Variants in PPP3CC observed in about 807,000 individuals in gnomAD.
PPP3CC encodes serine/threonine-protein phosphatase 2B catalytic subunit gamma isoform.
A neutral mutation model predicts 60.3 loss-of-function variants in PPP3CC; 35 were observed. The observed-to-expected ratio is 0.58, with a 90% confidence interval of 0.44 to 0.77. PPP3CC has a LOEUF of 0.77. Ranked by LOEUF, PPP3CC falls within the 30% of genes least tolerant of loss-of-function variation. The probability of loss-of-function intolerance (pLI) is 0.00; values close to 1 mark genes in which losing one functional copy is unlikely to be tolerated. For synonymous variants in PPP3CC, 206 were observed against 224.3 expected, an observed-to-expected ratio of 0.92 and a Z score of 0.73; for missense variants, 570 against 628.9, an observed-to-expected ratio of 0.91 and a Z score of 1.00.
Position 22,498,160 on chromosome 8 carries a change from G to A in PPP3CC, c.484+48G>A, listed in dbSNP as rs747556908. The A allele has an allele frequency of 3.3e-6, 4 of 1,194,292 alleles. No individual in the cohort carries two copies. In the African/African-American group the frequency reaches 6.2e-5, roughly 18 times the overall value. The allele number at this position is 1,194,292 out of a possible 1,614,324, so 74.0% of individuals were successfully genotyped here. A position where few individuals can be genotyped will look rare whatever the true frequency, so the allele number is the denominator to read the frequency against. On this transcript the variant is annotated intron_variant, in intron 4 of 13. Transcript: ENST00000240139. ...AACCTTTTTAGTTACCCTTTAACCT[G>A]TCCGAAGTAAATCAAACAGAAAGAA...
Position 22,510,924 on chromosome 8 carries a change from A to G in PPP3CC, c.485-162A>G, listed in dbSNP as rs141326277. On this transcript the variant is annotated intron_variant, in intron 4 of 13. Transcript: ENST00000240139. ...AAGAGGAGAGAGGTATTGTTAACCT[A>G]TTATCCACAACTTTTCAAAAGTATC... The G allele has an allele frequency of 3.2e-4, 229 of 707,174 alleles. 2 individuals carry two copies. In the African/African-American group the frequency reaches 3.3e-3, roughly 10 times the overall value. 43.8% of individuals were successfully genotyped at this position (707,174 alleles called of 1,614,324 possible).
rs781122080 is a variant in PPP3CC, at chr8:22,513,291, A to C, written c.631-2A>C. The C allele has an allele frequency of 4.4e-6, 7 of 1,609,188 alleles. No individual in the cohort carries two copies. Among genetic ancestry groups the C allele is most frequent in the Non-Finnish European group, 5.9e-6 (7 of 1,178,574 alleles). ...TTCTTTTGGCTTTTGTGTGTCTTCT[A>C]GTTAGACAGGTTTACGGAACCTCCC... On this transcript the variant is annotated splice_acceptor_variant, in intron 5 of 13. Coordinates refer to ENST00000240139, the MANE Select transcript of PPP3CC (RefSeq NM_005605.5). LOFTEE classifies it high-confidence loss of function.
chr8:22,490,285 T>C (rs1303543823), intron 3 of PPP3CC, among the ~76,000 whole-genome samples: 2 of 152,184 alleles, frequency 1.3e-5, no homozygotes, highest in African/African-American at 4.8e-5. Flanking sequence ...ACCCTGACCC[T>C]GTTTCTGACT....
rs1839154004 is a variant in PPP3CC at position 22,513,537 on chromosome 8, C to T, written c.770+105C>T. The T allele has an allele frequency of 1.5e-5, 19 of 1,261,598 alleles. No homozygotes were observed. The South Asian group carries it at 3.6e-4, about 24-fold the overall frequency. The allele number at this position is 1,261,598 out of a possible 1,614,324, so 78.2% of individuals were successfully genotyped here. ...TTCAAATCTATGTAGTATAAGCACT[C>T]CTGTTTAATTTTTCGATTAATAGGA... On this transcript the variant is annotated intron_variant, in intron 6 of 13. Transcript: ENST00000240139.
chr8:22,485,011 C>T (rs77686453), intron 3 of PPP3CC, among the ~76,000 whole-genome samples: 5,242 of 152,116 alleles, frequency 0.034, 309 homozygotes, highest in African/African-American at 0.12. Context: ...CAATGAGATA[C>T]GCATATCTTA....
chr8:22,441,208 G>A lies in PPP3CC; in HGVS notation c.-202G>A, dbSNP rs963178747. 4 of 440,436 alleles carry A rather than the reference G, an allele frequency of 9.1e-6. No homozygotes were observed. Among genetic ancestry groups the A allele is most frequent in the East Asian group, 7.2e-5 (2 of 27,592 alleles). The allele number at this position is 440,436 out of a possible 1,614,324, so 27.3% of individuals were successfully genotyped here. ...GCGCCTCCCAAGAGAGCGGCCGGTG[G>A]GCCCTCGTCCTGTCAGTGGCGTCGG... On this transcript the variant is annotated 5_prime_UTR_variant, in exon 1 of 14. Transcript: ENST00000240139.
At chr8:22,523,326 T>C (rs1402318349) in intron 8 of PPP3CC, among the ~76,000 whole-genome samples, 1 of 152,222 alleles carries the variant, frequency 6.6e-6, no homozygotes, top group Non-Finnish European at 1.5e-5. Flanking sequence ...ATGCCTTTTG[T>C]TCCAGAAATT....
At chr8:22,450,806 T>C (rs1192281817) in intron 1 of PPP3CC, among the ~76,000 whole-genome samples, 2 of 89,568 alleles carry the variant, frequency 2.2e-5, no homozygotes, top group African/African-American at 9.4e-5. Context: ...TATTTTTATT[T>C]ATTTATTTAT....
chr8:22,495,061 C>T (rs1369799816), intron 3 of PPP3CC, among the ~76,000 whole-genome samples: 5 of 152,164 alleles, frequency 3.3e-5, no homozygotes, highest in African/African-American at 1.2e-4. Context: ...GATCCTCCTG[C>T]CTCAGCCTCC....
intron 4 of PPP3CC, among the ~76,000 whole-genome samples, chr8:22,503,908 T>C (rs1838834573): frequency 6.6e-6 from 1 of 152,196 alleles, no homozygotes; most frequent in Non-Finnish European, 1.5e-5. Flanking sequence ...AGAGCATGTG[T>C]GTTGCTCTGC....
chr8:22,466,145 T>C (rs993090734), intron 1 of PPP3CC, among the ~76,000 whole-genome samples: 6 of 147,112 alleles, frequency 4.1e-5, no homozygotes, highest in Non-Finnish European at 7.5e-5. Context: ...GCTTCATCCA[T>C]GTCCCTGCAA....
rs145567978 is a variant in PPP3CC at position 22,522,102 on chromosome 8, G to T, written c.771-389G>T. ...GTAACAATTTGACAATTGAAGAAAAGTATGTGTTGAATTTTTAGCATCTAC... is the reference window on the plus strand; with the variant it reads ...GTAACAATTTGACAATTGAAGAAAATTATGTGTTGAATTTTTAGCATCTAC... On this transcript the variant is annotated intron_variant, in intron 6 of 13. Transcript: ENST00000240139. 2.3e-4 allele frequency among the ~76,000 whole-genome samples: 34 copies of T among 150,750 alleles called. 2 individuals are homozygous for T. The East Asian group carries it at 6.0e-3, about 27-fold the overall frequency.
intron 3 of PPP3CC, among the ~76,000 whole-genome samples, chr8:22,486,527 A>G (rs1280653392): frequency 6.6e-6 from 1 of 152,166 alleles, no homozygotes; most frequent in Non-Finnish European, 1.5e-5. Context: ...TTGGACCCCC[A>G]TTCTACCATT....
intron 3 of PPP3CC, chr8:22,493,176 A>G: frequency 4.0e-6 from 5 of 1,238,266 alleles, no homozygotes; most frequent in Non-Finnish European, 5.8e-6. Context: ...ATTTTATATT[A>G]TGACTGCTTT....
intron 4 of PPP3CC, among the ~76,000 whole-genome samples, chr8:22,505,534 C>T (rs775386358): frequency 5.3e-5 from 8 of 152,066 alleles, no homozygotes; most frequent in Non-Finnish European, 1.0e-4. Flanking sequence ...AAGCGAAATA[C>T]TAGGTAAATG....
intron 1 of PPP3CC, among the ~76,000 whole-genome samples, chr8:22,452,175 G>C (rs538964451): frequency 2.6e-5 from 4 of 152,124 alleles, no homozygotes; most frequent in African/African-American, 9.6e-5. Context: ...GACTACAGGC[G>C]TGTGCTGCCA....
At chr8:22,480,858 G>A (rs1398997760) in intron 3 of PPP3CC, among the ~76,000 whole-genome samples, 1 of 152,186 alleles carries the variant, frequency 6.6e-6, no homozygotes, top group Non-Finnish European at 1.5e-5. Context: ...TGCTTTGGGA[G>A]GCCTAGATGG....
chr8:22,462,962 AT>A (rs1383781505), intron 1 of PPP3CC, among the ~76,000 whole-genome samples: 12 of 152,112 alleles, frequency 7.9e-5, no homozygotes, highest in Admixed American at 7.9e-4. Flanking sequence ...ATCTATTTGG[AT>A]TTTCCTTTGG....
chr8:22,473,305 G>A (rs1279651672), intron 1 of PPP3CC, among the ~76,000 whole-genome samples: 1 of 152,076 alleles, frequency 6.6e-6, no homozygotes, highest in African/African-American at 2.4e-5. Context: ...AGTAGACTGT[G>A]TTATAAAGTA....
Sources: gnomAD v4.1 joint callset for allele counts (sites outside exome capture counted in the v4.1 genomes callset) on GRCh38, gnomAD v4.1.1 for gene constraint, MANE v1.5 for transcripts, NCBI Gene and HGNC (gene_info 2026-07-23, HGNC 2026-07-21) for gene names.